SPEF2: variants seen among roughly 807,000 people sequenced by gnomAD.
SPEF2 encodes sperm flagellar and cilia associated 2, also known as sperm flagella and cilia-associated protein 2.
In SPEF2, 187 loss-of-function variants were observed where a neutral mutation model predicts 224.6. The ratio of observed to expected loss-of-function variants is 0.83; its 90% CI spans 0.74 to 0.94. SPEF2 has a LOEUF of 0.94. Ranked by LOEUF, SPEF2 falls within the 40% of genes least tolerant of loss-of-function variation. SPEF2 has a pLI of 0.00. For synonymous variants in SPEF2, 715 were observed against 707.3 expected (o/e 1.01, Z -0.17); for missense variants, 2,170 against 2,135.6 (o/e 1.02, Z -0.32).
chr5:35,737,438 C>T (rs1438254223), intron 21 of SPEF2, among the ~76,000 whole-genome samples: 2 of 145,798 alleles, frequency 1.4e-5, no homozygotes, highest in Admixed American at 7.1e-5. Context: ...TATTCAATTC[C>T]CACCTATGAG....
intron 16 of SPEF2, among the ~76,000 whole-genome samples, chr5:35,701,940 C>T (rs1738725690): frequency 6.6e-6 from 1 of 152,138 alleles, no homozygotes; most frequent in Non-Finnish European, 1.5e-5. Flanking sequence ...GATCACACCA[C>T]AGCACTTCAA....
intron 21 of SPEF2, among the ~76,000 whole-genome samples, chr5:35,729,562 G>C (rs1745279970): frequency 6.6e-6 from 1 of 152,164 alleles, no homozygotes; most frequent in African/African-American, 2.4e-5. Flanking sequence ...CATTTCCTAT[G>C]TAAGGCCAGG....
At chr5:35,780,654 C>T (rs1261545846) in intron 30 of SPEF2, among the ~76,000 whole-genome samples, 1 of 152,162 alleles carries the variant, frequency 6.6e-6, no homozygotes, top group Non-Finnish European at 1.5e-5. Context: ...ATGTACTTCC[C>T]TCTTCAGAGT....
In SPEF2 at chr5:35,670,060, C is replaced by T; in HGVS notation, c.1357C>T (p.Leu453=). The T allele has an allele frequency of 1.3e-6, 2 of 1,594,488 alleles. No homozygotes were observed. The highest frequency in any genetic ancestry group is 1.2e-5 in the South Asian group (1 of 85,786). Residue 453 remains leucine (L), a splice_region_variant and synonymous_variant, in exon 10 of 37, where the codon CTG becomes TTG. Transcript: ENST00000356031. ...VADYRMLTNN[L]IPYKLMHDWK... is the part of the protein sequence containing the mutation. ...CTCTACCTTTTTTTTGTGCGATAGT[C>T]TGATTCCGTATAAGTTGATGCATGA...
At chr5:35,804,341 G>T (rs985017038) in intron 34 of SPEF2, among the ~76,000 whole-genome samples, 1 of 152,210 alleles carries the variant, frequency 6.6e-6, no homozygotes, top group Middle Eastern at 3.2e-3. Context: ...CCCCTGCTTA[G>T]ATAATAATGT....
At chr5:35,710,959 C>T in intron 19 of SPEF2, 1 of 873,898 alleles carries the variant, frequency 1.1e-6, no homozygotes, top group Non-Finnish European at 1.4e-6. Context: ...GCCACCCAAC[C>T]TTACTGTGAT....
At chr5:35,653,041 T>A (rs1748423710) in intron 6 of SPEF2, among the ~76,000 whole-genome samples, 1 of 152,208 alleles carries the variant, frequency 6.6e-6, no homozygotes, top group Non-Finnish European at 1.5e-5. Context: ...GTTTACTTTT[T>A]GAAGAGGATG....
At chr5:35,686,683 T>C (rs576597319) in intron 10 of SPEF2, among the ~76,000 whole-genome samples, 1 of 152,128 alleles carries the variant, frequency 6.6e-6, no homozygotes. Flanking sequence ...ATATGGTACA[T>C]CATTGCTTTA....
intron 30 of SPEF2, among the ~76,000 whole-genome samples, chr5:35,783,682 A>C (rs1204314630): frequency 3.9e-5 from 6 of 152,202 alleles, no homozygotes; most frequent in Non-Finnish European, 8.8e-5. Flanking sequence ...TGGTAGAATT[A>C]AATCATAAAG....
chr5:35,684,527 G>A (rs1331514847), intron 10 of SPEF2, among the ~76,000 whole-genome samples: 2 of 152,178 alleles, frequency 1.3e-5, no homozygotes, highest in Non-Finnish European at 2.9e-5. Context: ...TGAGGAAGCA[G>A]GCCTTTCAGA....
intron 18 of SPEF2, among the ~76,000 whole-genome samples, chr5:35,706,076 C>A (rs1391948985): frequency 1.3e-5 from 2 of 151,176 alleles, no homozygotes; most frequent in African/African-American, 4.8e-5. Flanking sequence ...AAAAACCCAG[C>A]AGAGTTAAAT....
intron 18 of SPEF2, among the ~76,000 whole-genome samples, chr5:35,708,522 C>T (rs1052102701): frequency 6.6e-5 from 10 of 151,682 alleles, no homozygotes; most frequent in Non-Finnish European, 1.5e-5. Flanking sequence ...TTCCTCATCA[C>T]CCCCATGCCA....
intron 5 of SPEF2, among the ~76,000 whole-genome samples, chr5:35,648,094 C>T (rs1747655096): frequency 6.6e-6 from 1 of 152,150 alleles, no homozygotes; most frequent in Non-Finnish European, 1.5e-5. Context: ...TTGTAAATAA[C>T]TCTCTAAGTA....
intron 2 of SPEF2, among the ~76,000 whole-genome samples, chr5:35,632,660 T>A (rs900274384): frequency 5.9e-5 from 9 of 152,218 alleles, no homozygotes; most frequent in African/African-American, 2.2e-4. Context: ...TTAACTTTTT[T>A]ATTTGAGATT....
chr5:35,670,469 TTGTC>T, intron 10 of SPEF2: 1 of 1,144,322 alleles, frequency 8.7e-7, no homozygotes, highest in Admixed American at 4.8e-5. Flanking sequence ...AGCATAGTAA[TTGTC>T]TGGGTAGACA....
intron 36 of SPEF2, chr5:35,807,489 C>T (rs970514281): frequency 7.8e-6 from 7 of 893,332 alleles, no homozygotes; most frequent in South Asian, 1.7e-5. Flanking sequence ...GGGTGGGTGA[C>T]AGTGTTAGGA....
At chr5:35,801,920 G>T (rs1311417349) in intron 34 of SPEF2, among the ~76,000 whole-genome samples, 1 of 152,176 alleles carries the variant, frequency 6.6e-6, no homozygotes, top group Admixed American at 6.5e-5. Flanking sequence ...AGTAAACATT[G>T]CATTCATTAA....
chr5:35,740,115 A>G lies in SPEF2; in HGVS notation c.3192-14A>G, dbSNP rs985258025. 1 of 1,614,014 alleles carries G rather than the reference A, an allele frequency of 6.2e-7. No homozygotes were observed. The highest frequency in any genetic ancestry group is 1.3e-5 in the African/African-American group (1 of 74,932). Reference sequence around the variant, plus strand: ...TGACATATAAAATTTATCTCATTCTATTAATGTCTACAGAACAAGTTTCCA... The same window carrying G: ...TGACATATAAAATTTATCTCATTCTGTTAATGTCTACAGAACAAGTTTCCA... On this transcript the variant is annotated splice_polypyrimidine_tract_variant and intron_variant, in intron 22 of 36. Transcript: ENST00000356031.
At chr5:35,763,419 G>T in intron 25 of SPEF2, 103 bp from the exon 26 acceptor site, 1 of 1,045,992 alleles carries the variant, frequency 9.6e-7, no homozygotes, top group Non-Finnish European at 1.3e-6. Context: ...TTTGAAAATT[G>T]AGATTAAACC....
Sources: allele counts gnomAD v4.1 joint callset (sites outside exome capture counted in the v4.1 genomes callset), GRCh38; gene constraint gnomAD v4.1.1; transcripts MANE v1.5; gene names NCBI Gene and HGNC (gene_info 2026-07-23, HGNC 2026-07-21).